Variants in SIGLEC1 observed in about 807,000 individuals in gnomAD.
The protein encoded by SIGLEC1 is sialic acid binding Ig like lectin 1, also known as sialoadhesin.
Under a neutral mutation model 148.0 loss-of-function variants are expected in SIGLEC1, and 132 were observed. The observed-to-expected ratio is 0.89, with a 90% CI of 0.77 to 1.03. The LOEUF (loss-of-function observed/expected upper bound fraction) is 1.03. Ranked by LOEUF, SIGLEC1 falls within the 50% of genes least tolerant of loss-of-function variation. The probability of loss-of-function intolerance (pLI) is 0.00; values close to 1 mark genes in which losing one functional copy is unlikely to be tolerated. For synonymous variants in SIGLEC1, 945 were observed against 969.0 expected, an observed-to-expected ratio of 0.98 and a Z score of 0.46; for missense variants, 2,253 against 2,271.4, an observed-to-expected ratio of 0.99 and a Z score of 0.16.
Position 3,687,793 on chromosome 20 carries a change from G to A in SIGLEC1, c.*767C>T, listed in dbSNP as rs2088713579. 6.6e-6 allele frequency: 1 copy of A among 152,214 alleles called. No homozygotes were observed. The highest frequency in any genetic ancestry group is 2.4e-5 in the African/African-American group (1 of 41,412). The allele number at this position is 152,214 out of a possible 1,614,324, so 9.4% of individuals were successfully genotyped here. A position where few individuals can be genotyped will look rare whatever the true frequency, so the allele number is the denominator to read the frequency against. On this transcript the variant is annotated 3_prime_UTR_variant, in exon 22 of 22. Coordinates refer to ENST00000344754, the MANE Select transcript of SIGLEC1 (RefSeq NM_023068.4). ...GGAAGTCCAATTCCAAATGTCCTCT[G>A]GACTCAAAATAAAAACTACATTTCC...
rs751199276 is a variant in SIGLEC1, at chr20:3,688,356, G to A, written c.*204C>T. 3 of 616,192 alleles carry A rather than the reference G, an allele frequency of 4.9e-6. No individual in the cohort carries two copies. The highest frequency in any genetic ancestry group is 8.9e-6 in the Non-Finnish European group (3 of 337,756). The allele number at this position is 616,192 out of a possible 1,614,324, so 38.2% of individuals were successfully genotyped here. On this transcript the variant is annotated 3_prime_UTR_variant, in exon 22 of 22. Coordinates refer to ENST00000344754, the MANE Select transcript of SIGLEC1 (RefSeq NM_023068.4). ...GCTCAGTGCTCTTCAGTGTCCTCCA[G>A]GGTCAACACCCTCCTGGGCAGACCT...
Position 3,691,906 on chromosome 20 carries a change from C to G in SIGLEC1, c.4327G>C (p.Glu1443Gln), listed in dbSNP as rs1159223467. The G allele has an allele frequency of 1.5e-5, 24 of 1,570,042 alleles. No individual in the cohort carries two copies. The highest frequency in any genetic ancestry group is 1.9e-5 in the Non-Finnish European group (22 of 1,151,660). The change falls in exon 17 of 22, where the codon GAA (glutamate) becomes CAA (glutamine). Residue 1443 changes from glutamate (E) to glutamine (Q), a missense_variant. Glu to Gln is a conservative substitution (Grantham distance 29). Transcript: ENST00000344754. The part of the protein sequence containing the change: ...SISTIGRLQV[E>Q]GARVVAEPGL... ...TCCTCCCCTCTCTTCCACTCACCTT[C>G]TACCTGCAACCGCCCGATGGTGCTG...
At position 3,703,956 on chromosome 20, in the gene SIGLEC1, AC is replaced by A. The variant is rs1363661365; in HGVS notation, c.841del (p.Val281TyrfsTer50). ...VSSIKWLKDG[V>X]RLQTKTGVLH... is the part of the protein sequence containing the mutation. Reference sequence around the variant, plus strand: ...CACACCAGTCTTGGTTTGGAGGCGTACCCCATCCTTGAGCCACTTAATGGAA... The same window carrying A: ...CACACCAGTCTTGGTTTGGAGGCGTACCCATCCTTGAGCCACTTAATGGAA... On this transcript the variant is annotated frameshift_variant, in exon 5 of 22. Coordinates refer to ENST00000344754, the MANE Select transcript of SIGLEC1 (RefSeq NM_023068.4). LOFTEE classifies it high-confidence loss of function. The A allele has an allele frequency of 4.3e-6, 7 of 1,612,934 alleles. No individual in the cohort carries two copies. Among genetic ancestry groups the A allele is most frequent in the Non-Finnish European group, 5.9e-6 (7 of 1,179,350 alleles).
chr20:3,699,578 G>A, intron 7 of SIGLEC1, 119 bp from the exon 8 acceptor site: 1 of 1,306,278 alleles, frequency 7.7e-7, no homozygotes, highest in Non-Finnish European at 1.0e-6. Flanking sequence ...TCTGGGCTTT[G>A]TGGTGCATCA....
At chr20:3,693,730 A>G (rs1213408294) in intron 13 of SIGLEC1, 32 bp from the exon 14 acceptor site, 1 of 1,541,900 alleles carries the variant, frequency 6.5e-7, no homozygotes, top group Admixed American at 1.8e-5. Flanking sequence ...GACACCAGTG[A>G]GGGTCTTGAG....
intron 14 of SIGLEC1, 141 bp from the exon 15 acceptor site, chr20:3,693,272 T>C (rs556998853): frequency 5.0e-6 from 6 of 1,201,514 alleles, no homozygotes; most frequent in Non-Finnish European, 6.8e-6. Flanking sequence ...ACTGCTCCTC[T>C]GCCCAGACAG....
At chr20:3,706,100 C>G (rs1222895304) in intron 3 of SIGLEC1, 60 bp from the exon 4 acceptor site, 3 of 1,545,006 alleles carry the variant, frequency 1.9e-6, no homozygotes, top group Non-Finnish European at 2.6e-6. Flanking sequence ...ATCCCTCGCC[C>G]TGGAAACCCC....
Position 3,706,552 on chromosome 20 carries a change from C to T in SIGLEC1, c.204G>A (p.Gln68=), listed in dbSNP as rs773838867. The part of the protein sequence containing the change: ...IWYYDYSGQR[Q]VVSHSADPKL... ...TGGGGTCCGCCGAGTGGCTCACCAC[C>T]TGCCGCTGGCCCGAGTAGTCGTAGT... Residue 68 remains glutamine (Q), a synonymous_variant, in exon 3 of 22, where the codon CAG becomes CAA. Transcript: ENST00000344754. 6.2e-7 allele frequency: 1 copy of T among 1,612,874 alleles called. No individual in the cohort carries two copies. The highest frequency in any genetic ancestry group is 1.3e-5 in the African/African-American group (1 of 74,950).
intron 7 of SIGLEC1, among the ~76,000 whole-genome samples, chr20:3,700,762 G>A (rs192624161): frequency 1.4e-5 from 2 of 145,662 alleles, no homozygotes; most frequent in African/African-American, 2.6e-5. Context: ...GTGCAGTGGC[G>A]CTATCTTGGC....
chr20:3,708,334 G>C (rs1173614130), intron 1 of SIGLEC1, among the ~76,000 whole-genome samples: 1 of 152,006 alleles, frequency 6.6e-6, no homozygotes, highest in South Asian at 2.1e-4. Context: ...AGAGATGCCA[G>C]AAACACATAT....
rs1239128016 is a variant in SIGLEC1, at chr20:3,701,363, T to C, written c.1507A>G (p.Thr503Ala). The change falls in exon 7 of 22, where the codon ACC (threonine) becomes GCC (alanine). Residue 503 changes from threonine (T) to alanine (A), a missense_variant. By Grantham distance (58) the Thr-to-Ala change is moderately conservative (BLOSUM62 0). Coordinates refer to ENST00000344754, the MANE Select transcript of SIGLEC1 (RefSeq NM_023068.4). The stretch of plus-strand genomic sequence containing the variant: ...TTACCATTGGCATGGAAGTCCAGGG[T>C]GGAGGTTGCATTTCCAAGGGAGTTG... ...ATNSLGNATS[T>A]LDFHANAARL... 6.2e-7 allele frequency: 1 copy of C among 1,612,404 alleles called. No homozygotes were observed. Among genetic ancestry groups the C allele is most frequent in the Non-Finnish European group, 8.5e-7 (1 of 1,178,982 alleles).
At position 3,694,755 on chromosome 20, in the gene SIGLEC1, G is replaced by A. The variant is rs746562166; in HGVS notation, c.2852C>T (p.Thr951Ile). The change falls in exon 12 of 22, where the codon ACT (threonine) becomes ATT (isoleucine). Residue 951 changes from threonine (T) to isoleucine (I), a missense_variant. Physicochemically the swap from Thr to Ile is moderately conservative, Grantham distance 89 (BLOSUM62 -1). Transcript: ENST00000344754. ...TSATLRFAAI[T>I]LTQAGAYHCQ... is the part of the protein sequence containing the mutation. ...ATGATAGGCCCCAGCTTGTGTCAAA[G>A]TTATGGCTGCAAAGCGGAGCGTGGC... 3 of 1,613,716 alleles carry A rather than the reference G, an allele frequency of 1.9e-6. No homozygotes were observed. The highest frequency in any genetic ancestry group is 1.3e-5 in the African/African-American group (1 of 74,934).
chr20:3,691,643 T>A, intron 17 of SIGLEC1, 43 bp from the exon 18 acceptor site: 1 of 1,594,604 alleles, frequency 6.3e-7, no homozygotes, highest in Non-Finnish European at 8.5e-7. Flanking sequence ...TCTGTAGGCC[T>A]TGGGGGCTGG....
In SIGLEC1 at chr20:3,703,216, AGGGCCC is replaced by A; in HGVS notation, c.1203_1208del (p.Gly402_Pro403del). On this transcript the variant is annotated inframe_deletion, in exon 6 of 22. Transcript: ENST00000344754. ...TCTTACGGTTGACTACCACGCTGAC[AGGGCCC>A]GAGCGCTCGCTGCCATGGACGTTCT... 6.2e-7 allele frequency: 1 copy of A among 1,614,046 alleles called. No individual in the cohort carries two copies. The highest frequency in any genetic ancestry group is 1.7e-5 in the Admixed American group (1 of 60,016).
chr20:3,705,920 C>G lies in SIGLEC1; in HGVS notation c.530G>C (p.Gly177Ala). The G allele has an allele frequency of 6.2e-7, 1 of 1,614,116 alleles. No individual in the cohort carries two copies. The highest frequency in any genetic ancestry group is 8.5e-7 in the Non-Finnish European group (1 of 1,180,034). Reference protein sequence around the residue: ...LQEQVRLQWQGQDPARSVTFN... With the variant: ...LQEQVRLQWQAQDPARSVTFN... Reference sequence around the variant, plus strand: ...GGTGACAGAGCGAGCAGGGTCCTGGCCTTGCCACTGCAGTCTGACCTGCTC... The same window carrying G: ...GGTGACAGAGCGAGCAGGGTCCTGGGCTTGCCACTGCAGTCTGACCTGCTC... Residue 177 changes from glycine to alanine, a missense_variant, in exon 4 of 22, where the codon GGC becomes GCC. Physicochemically the swap from Gly to Ala is moderately conservative, Grantham distance 60. Transcript: ENST00000344754.
rs1339244341 is a variant in SIGLEC1, at chr20:3,706,420, G to A, written c.336C>T (p.Ser112=). ...CACTGATCTCGAAGCGGAAGTTGTA[G>A]GAACCAGAGTCCTCGGGCTGCAGGT... ...LKDLQPEDSG[S]YNFRFEISEV... Residue 112 remains serine, a synonymous_variant, in exon 3 of 22, where the codon TCC becomes TCT. Coordinates refer to ENST00000344754, the MANE Select transcript of SIGLEC1 (RefSeq NM_023068.4). 1 of 1,614,194 alleles carries A rather than the reference G, an allele frequency of 6.2e-7. No individual in the cohort carries two copies. The highest frequency in any genetic ancestry group is 2.2e-5 in the East Asian group (1 of 44,880).
chr20:3,706,435 G>A lies in SIGLEC1; in HGVS notation c.321C>T (p.Pro107=), dbSNP rs903593896. Residue 107 remains proline (P), a synonymous_variant, in exon 3 of 22, where the codon CCC becomes CCT. Transcript: ENST00000344754. The part of the protein sequence containing the change: ...VCNLLLKDLQ[P]EDSGSYNFRF... Reference sequence around the variant, plus strand: ...GGAAGTTGTAGGAACCAGAGTCCTCGGGCTGCAGGTCCTTCAGCAGCAGGT... The same window carrying A: ...GGAAGTTGTAGGAACCAGAGTCCTCAGGCTGCAGGTCCTTCAGCAGCAGGT... The A allele has an allele frequency of 1.1e-5, 17 of 1,614,014 alleles. No individual in the cohort carries two copies. The highest frequency in any genetic ancestry group is 4.0e-5 in the African/African-American group (3 of 74,954).
intron 6 of SIGLEC1, 70 bp downstream of exon 6, chr20:3,703,127 C>A (rs1279937504): frequency 6.3e-7 from 1 of 1,594,968 alleles, no homozygotes; most frequent in Non-Finnish European, 8.5e-7. Context: ...GGACCCCAAC[C>A]CTTCCTTGGG....
chr20:3,693,326 G>T, intron 14 of SIGLEC1, 121 bp downstream of exon 14: 2 of 1,236,658 alleles, frequency 1.6e-6, no homozygotes, highest in Non-Finnish European at 2.2e-6. Context: ...CTTGCCCAGT[G>T]CTCCACTAGC....
Sources: allele counts gnomAD v4.1 joint callset (sites outside exome capture counted in the v4.1 genomes callset), GRCh38; gene constraint gnomAD v4.1.1; transcripts MANE v1.5; gene names NCBI Gene and HGNC (gene_info 2026-07-23, HGNC 2026-07-21).